SLC8A1: variants seen among roughly 807,000 people sequenced by gnomAD.
SLC8A1 encodes solute carrier family 8 member A1, also known as sodium/calcium exchanger 1.
Under a neutral mutation model 68.3 loss-of-function variants are expected in SLC8A1, and 18 were observed. That is an observed-to-expected ratio of 0.26 (90% CI 0.18 to 0.39). SLC8A1 has a LOEUF of 0.39. SLC8A1 is among the 10% of genes least tolerant of loss of function. The pLI, the probability that SLC8A1 is intolerant of heterozygous loss-of-function variation, is 1.00. For synonymous variants in SLC8A1, 475 were observed against 415.5 expected (o/e 1.14, Z -1.74); for missense variants, 985 against 1,156.7 (o/e 0.85, Z 2.15).
chr2:40,254,095 T>C (rs989861693), intron 2 of SLC8A1, among the ~76,000 whole-genome samples: 3 of 152,168 alleles, frequency 2.0e-5, no homozygotes, highest in African/African-American at 7.2e-5. Context: ...CCTGATTTGA[T>C]CATTACACAT....
intron 1 of SLC8A1, among the ~76,000 whole-genome samples, chr2:40,497,477 G>C (rs946487875): frequency 3.3e-5 from 5 of 152,022 alleles, no homozygotes; most frequent in Admixed American, 2.6e-4. Flanking sequence ...GGCAGTGGGA[G>C]CAGAAAGGGA....
intron 1 of SLC8A1, among the ~76,000 whole-genome samples, chr2:40,475,051 T>A (rs1461095298): frequency 6.6e-6 from 1 of 152,214 alleles, no homozygotes; most frequent in Non-Finnish European, 1.5e-5. Flanking sequence ...TATTTAGGAA[T>A]CGATTTGTTG....
At chr2:40,209,225 T>G (rs1301246803) in intron 2 of SLC8A1, 1 of 152,186 alleles carries the variant, frequency 6.6e-6, no homozygotes, top group African/African-American at 2.4e-5. Context: ...AAGGTAGGCC[T>G]TTCTGAGAAT....
At chr2:40,387,568 C>T (rs1459386353) in intron 2 of SLC8A1, among the ~76,000 whole-genome samples, 3 of 151,280 alleles carry the variant, frequency 2.0e-5, no homozygotes, top group Non-Finnish European at 4.4e-5. Flanking sequence ...GCATCCTAGA[C>T]GTTATAGCTA....
At chr2:40,502,761 A>G (rs78851534) in intron 1 of SLC8A1, among the ~76,000 whole-genome samples, 3,682 of 152,114 alleles carry the variant, frequency 0.024, 140 homozygotes, top group Admixed American at 0.1. Flanking sequence ...ATAGCAGTCC[A>G]TATGCAATAT....
intron 2 of SLC8A1, among the ~76,000 whole-genome samples, chr2:40,374,686 C>A (rs79525933): frequency 6.6e-6 from 1 of 151,892 alleles, no homozygotes; most frequent in Non-Finnish European, 1.5e-5. Flanking sequence ...ACTTTCCCAG[C>A]CTGGCCTGAC....
At chr2:40,434,231 T>C (rs559165975) in intron 1 of SLC8A1, among the ~76,000 whole-genome samples, 9 of 152,310 alleles carry the variant, frequency 5.9e-5, no homozygotes, top group African/African-American at 1.9e-4. Context: ...ACTAAAAACA[T>C]TACAATTATA....
At chr2:40,480,078 G>GT (rs550314047) in intron 1 of SLC8A1, among the ~76,000 whole-genome samples, 31 of 151,370 alleles carry the variant, frequency 2.0e-4, no homozygotes, top group African/African-American at 4.1e-4. Flanking sequence ...CACGTTTATT[G>GT]TTTTTTTTTA....
At chr2:40,302,029 ATC>A (rs2071555378) in intron 2 of SLC8A1, among the ~76,000 whole-genome samples, 1 of 83,888 alleles carries the variant, frequency 1.2e-5, no homozygotes, top group African/African-American at 4.6e-5. Flanking sequence ...CACCGGGCTA[ATC>A]TGTGTGTGTG....
intron 1 of SLC8A1, among the ~76,000 whole-genome samples, chr2:40,485,540 A>G (rs1704908920): frequency 6.6e-6 from 1 of 152,166 alleles, no homozygotes; most frequent in Non-Finnish European, 1.5e-5. Context: ...GAGCCAGGTG[A>G]TATGTTCTTC....
intron 2 of SLC8A1, among the ~76,000 whole-genome samples, chr2:40,258,842 AAAAAAAC>A (rs761970569): frequency 2.6e-5 from 4 of 152,016 alleles, no homozygotes; most frequent in Non-Finnish European, 5.9e-5. Context: ...ACTCCATCTC[AAAAAAAC>A]AAAAAACAAA....
intron 1 of SLC8A1, among the ~76,000 whole-genome samples, chr2:40,465,411 G>T (rs1703609500): frequency 6.6e-6 from 1 of 152,004 alleles, no homozygotes; most frequent in Non-Finnish European, 1.5e-5. Flanking sequence ...TGTTTTACTT[G>T]GAATTTAACA....
At chr2:40,245,712 G>T (rs2061778118) in intron 2 of SLC8A1, among the ~76,000 whole-genome samples, 1 of 148,662 alleles carries the variant, frequency 6.7e-6, no homozygotes, top group Non-Finnish European at 1.5e-5. Flanking sequence ...TCCTTCTCTT[G>T]ACTATCTGCT....
chr2:40,116,004 C>A lies in SLC8A1; in HGVS notation c.2438-375G>T, dbSNP rs184361091. Among the ~76,000 whole-genome samples, 3 of 152,256 alleles carry A rather than the reference C, an allele frequency of 2.0e-5. No individual in the cohort carries two copies. The East Asian group carries it at 5.8e-4, about 29-fold the overall frequency. Reference sequence around the variant, plus strand: ...AGAGTGAGTATTGCAAGGTGCCATGCGGCTGTGCTGGTCATAATGACAGCG... The same window carrying A: ...AGAGTGAGTATTGCAAGGTGCCATGAGGCTGTGCTGGTCATAATGACAGCG... On this transcript the variant is annotated intron_variant, in intron 7 of 7. Coordinates refer to ENST00000406785, the Ensembl canonical transcript of SLC8A1.
chr2:40,133,637 A>G (rs2039868019), intron 7 of SLC8A1, among the ~76,000 whole-genome samples: 1 of 151,996 alleles, frequency 6.6e-6, no homozygotes, highest in Non-Finnish European at 1.5e-5. Flanking sequence ...GTCAGCAAGC[A>G]TCAGGCACAA....
intron 1 of SLC8A1, among the ~76,000 whole-genome samples, chr2:40,488,273 ATCC>A (rs889120872): frequency 2.0e-5 from 3 of 151,888 alleles, no homozygotes; most frequent in African/African-American, 4.8e-5. Flanking sequence ...TTAATGAATA[ATCC>A]TCCTCTCCCC....
chr2:40,430,271 T>C, exon 2 of SLC8A1: 1 of 1,609,376 alleles, frequency 6.2e-7, no homozygotes, highest in Non-Finnish European at 8.5e-7. Context: ...AATCGCCGCA[T>C]GTTGTACATG....
intron 7 of SLC8A1, among the ~76,000 whole-genome samples, chr2:40,137,780 C>G (rs1036112571): frequency 1.3e-5 from 2 of 152,106 alleles, no homozygotes; most frequent in South Asian, 2.1e-4. Context: ...CGACTTCAAA[C>G]AGCCCTGCTT....
chr2:40,478,179 C>T (rs140520965), intron 1 of SLC8A1, among the ~76,000 whole-genome samples: 25 of 152,144 alleles, frequency 1.6e-4, no homozygotes, highest in African/African-American at 5.5e-4. Flanking sequence ...CCCTTGTTCA[C>T]CCAGTTTTCC....
Sources: allele counts gnomAD v4.1 joint callset (sites outside exome capture counted in the v4.1 genomes callset), GRCh38; gene constraint gnomAD v4.1.1; transcripts MANE v1.5; gene names NCBI Gene and HGNC (gene_info 2026-07-23, HGNC 2026-07-21).